Variants in DNAAF5 observed in about 807,000 individuals in gnomAD.
The protein encoded by DNAAF5 is dynein axonemal assembly factor 5, also known as HEAT repeat containing 2.
A neutral mutation model predicts 75.8 loss-of-function variants in DNAAF5; 64 were observed. The observed-to-expected ratio is 0.84, with a 90% CI of 0.69 to 1.04. The LOEUF is 1.04. Ranked by LOEUF, DNAAF5 falls within the 50% of genes least tolerant of loss-of-function variation. DNAAF5 has a pLI of 0.00. For missense variants in DNAAF5, 1,269 were observed against 1,178.5 expected (o/e 1.08, Z -1.12); for synonymous variants, 657 against 557.2 (o/e 1.18, Z -2.52).
Position 770,467 on chromosome 7 carries a change from A to C in DNAAF5, c.1784-4A>C. Reference sequence around the variant, plus strand: ...TGCACAGGAGCCTCTGTTGTGTCTTACAGGCCCTGCCCTGGGAGAAGCCCT... The same window carrying C: ...TGCACAGGAGCCTCTGTTGTGTCTTCCAGGCCCTGCCCTGGGAGAAGCCCT... On this transcript the variant is annotated splice_polypyrimidine_tract_variant and splice_region_variant and intron_variant, in intron 8 of 12. Coordinates refer to ENST00000297440, the MANE Select transcript of DNAAF5 (RefSeq NM_017802.4). The C allele has an allele frequency of 6.2e-7, 1 of 1,612,386 alleles. No individual in the cohort carries two copies. The highest frequency in any genetic ancestry group is 8.5e-7 in the Non-Finnish European group (1 of 1,179,474).
Position 756,971 on chromosome 7 carries a change from C to T in DNAAF5, c.1447C>T (p.His483Tyr), listed in dbSNP as rs1357525720. The change falls in exon 6 of 13, where the codon CAC (histidine) becomes TAC (tyrosine). Residue 483 changes from histidine (H) to tyrosine (Y), a missense_variant. Transcript: ENST00000297440. Reference protein sequence around the residue: ...AAIATELAQAHICQASENDLY... With the variant: ...AAIATELAQAYICQASENDLY... ...CATCGCCACAGAGCTGGCACAGGCC[C>T]ACATCTGCCAGGCATCTGAAAACGT... The T allele has an allele frequency of 1.2e-6, 2 of 1,605,094 alleles. No homozygotes were observed. Among genetic ancestry groups the T allele is most frequent in the East Asian group, 2.2e-5 (1 of 44,868 alleles).
intron 1 of DNAAF5, among the ~76,000 whole-genome samples, chr7:728,249 G>C (rs1242630789): frequency 6.6e-6 from 1 of 152,164 alleles, no homozygotes; most frequent in Non-Finnish European, 1.5e-5. Context: ...CTGGCGGGAA[G>C]GCTTTCCGAA....
chr7:750,863 T>C, intron 4 of DNAAF5: 1 of 167,182 alleles, frequency 6.0e-6, no homozygotes. Flanking sequence ...TTGCAAACTT[T>C]CCAGAGCGGA....
chr7:748,464 A>T (rs1478868679), intron 4 of DNAAF5, among the ~76,000 whole-genome samples: 1 of 152,082 alleles, frequency 6.6e-6, no homozygotes, highest in Non-Finnish European at 1.5e-5. Context: ...CATTAAATCG[A>T]GTTCTGTGTT....
intron 4 of DNAAF5, among the ~76,000 whole-genome samples, chr7:743,444 G>A (rs1038673661): frequency 6.6e-6 from 1 of 151,940 alleles, no homozygotes; most frequent in Non-Finnish European, 1.5e-5. Flanking sequence ...TTAAATCCAC[G>A]CCTACAGAGC....
intron 2 of DNAAF5, among the ~76,000 whole-genome samples, chr7:731,645 A>G (rs929571355): frequency 5.9e-5 from 9 of 152,154 alleles, no homozygotes; most frequent in African/African-American, 2.2e-4. Flanking sequence ...ACACCAATTC[A>G]TAAACTTTCT....
At chr7:750,815 A>G (rs1782268695) in intron 4 of DNAAF5, 1 of 166,594 alleles carries the variant, frequency 6.0e-6, no homozygotes, top group South Asian at 2.1e-4. Flanking sequence ...CTGTCAGCAG[A>G]CCCCTCCCCG....
At chr7:773,987 G>T in intron 9 of DNAAF5, 61 bp from the exon 10 acceptor site, 3 of 1,601,816 alleles carry the variant, frequency 1.9e-6, no homozygotes, top group Non-Finnish European at 2.6e-6. Context: ...TCCCTAGTCT[G>T]AAACGTTTCT....
intron 4 of DNAAF5, among the ~76,000 whole-genome samples, chr7:745,952 G>C (rs1007873857): frequency 2.0e-5 from 3 of 152,194 alleles, no homozygotes; most frequent in African/African-American, 7.2e-5. Flanking sequence ...AGTGTCGTTA[G>C]GCACAGAACT....
chr7:761,249 G>A (rs917734728), intron 6 of DNAAF5, among the ~76,000 whole-genome samples: 2 of 92,528 alleles, frequency 2.2e-5, no homozygotes, highest in African/African-American at 3.3e-5. Flanking sequence ...TACCTCCAGC[G>A]CCTGGGGGCT....
rs202182894 is a variant in DNAAF5 at position 756,934 on chromosome 7, G to A, written c.1410G>A (p.Pro470=). The change falls in exon 6 of 13, where the codon CCG becomes CCA. Residue 470 remains proline, a synonymous_variant. Coordinates refer to ENST00000297440, the MANE Select transcript of DNAAF5 (RefSeq NM_017802.4). The stretch of plus-strand genomic sequence containing the variant: ...GTTGCCCCCGAGAAGCCCTCCAGCC[G>A]CACCTGGCAGCCATCGCCACAGAGC... ...MRGCPREALQ[P]HLAAIATELA... is the part of the protein sequence containing the mutation. 51 of 1,608,794 alleles carry A rather than the reference G, an allele frequency of 3.2e-5. No homozygotes were observed. The highest frequency in any genetic ancestry group is 4.0e-5 in the African/African-American group (3 of 74,880).
chr7:779,040 C>T (rs1562402014), intron 11 of DNAAF5, among the ~76,000 whole-genome samples: 1 of 152,286 alleles, frequency 6.6e-6, no homozygotes, highest in East Asian at 1.9e-4. Flanking sequence ...GCCTGGGCAT[C>T]TGCCAGGAAT....
chr7:779,975 C>T lies in DNAAF5; in HGVS notation c.2262C>T (p.Asp754=), dbSNP rs777776862. ...CAGAACTCTTAAAACGCCTAGATGA[C>T]GTGTCCAACGATGTGAGGATGGCAG... ...IYPELLKRLD[D]VSNDVRMAAA... is the part of the protein sequence containing the mutation. The change falls in exon 12 of 13, where the codon GAC becomes GAT. Residue 754 remains aspartate, a synonymous_variant. Transcript: ENST00000297440. 45 of 1,614,014 alleles carry T rather than the reference C, an allele frequency of 2.8e-5. No individual in the cohort carries two copies. The highest frequency in any genetic ancestry group is 6.7e-5 in the Admixed American group (4 of 60,004).
In DNAAF5 at chr7:735,065, T is replaced by C. The variant is rs572246091; in HGVS notation, c.780+5218T>C. ...GTGTAGCTGCTCACAGTGTCGTTGC[T>C]CATATTGTAGTTGCTCATACTGTTG... On this transcript the variant is annotated intron_variant, in intron 2 of 12. Coordinates refer to ENST00000297440, the MANE Select transcript of DNAAF5 (RefSeq NM_017802.4). Among the ~76,000 whole-genome samples the C allele has an allele frequency of 5.3e-5, 8 of 151,114 alleles. No individual in the cohort carries two copies. In the South Asian group the frequency reaches 1.3e-3, roughly 24 times the overall value.
At chr7:770,323 C>T (rs1352581896) in intron 8 of DNAAF5, 148 bp from the exon 9 acceptor site, 5 of 656,658 alleles carry the variant, frequency 7.6e-6, no homozygotes, top group East Asian at 2.7e-5. Context: ...GTGATAATCA[C>T]CTTACTGATT....
At chr7:733,970 C>G (rs1462636783) in intron 2 of DNAAF5, among the ~76,000 whole-genome samples, 1 of 152,172 alleles carries the variant, frequency 6.6e-6, no homozygotes, top group Non-Finnish European at 1.5e-5. Flanking sequence ...TATCCTGCAA[C>G]TTTACTGAAT....
chr7:753,773 C>T (rs1440564453), intron 4 of DNAAF5, among the ~76,000 whole-genome samples: 5 of 138,730 alleles, frequency 3.6e-5, no homozygotes, highest in East Asian at 2.3e-4. Context: ...GCTTCGCAGG[C>T]GTGTCTCTCT....
At chr7:785,353 C>G (rs1357321782) in intron 12 of DNAAF5, among the ~76,000 whole-genome samples, 164 bp from the exon 13 acceptor site, 1 of 151,170 alleles carries the variant, frequency 6.6e-6, no homozygotes, top group African/African-American at 2.5e-5. Flanking sequence ...AGTCGGATCA[C>G]TCGTATCCGC....
rs1016036015 is a variant in DNAAF5 at position 764,001 on chromosome 7, C to T, written c.1783+27C>T. 9.4e-6 allele frequency: 15 copies of T among 1,598,050 alleles called. No homozygotes were observed. In the Admixed American group the frequency reaches 1.7e-4, roughly 18 times the overall value. Reference sequence around the variant, plus strand: ...TGAGCCGTCCCGACAGCTGGCGTGCCGTGCCTGGCCCCACTCAGGCTACAC... The same window carrying T: ...TGAGCCGTCCCGACAGCTGGCGTGCTGTGCCTGGCCCCACTCAGGCTACAC... On this transcript the variant is annotated intron_variant, in intron 8 of 12. Coordinates refer to ENST00000297440, the MANE Select transcript of DNAAF5 (RefSeq NM_017802.4).
Sources: allele counts gnomAD v4.1 joint callset (sites outside exome capture counted in the v4.1 genomes callset), GRCh38; gene constraint gnomAD v4.1.1; transcripts MANE v1.5; gene names NCBI Gene and HGNC (gene_info 2026-07-23, HGNC 2026-07-21).